Variants in COL4A5 observed in about 807,000 individuals in gnomAD.
COL4A5 encodes collagen alpha-5(IV) chain.
Under a neutral mutation model 130.2 loss-of-function variants are expected in COL4A5, and 26 were observed. The observed-to-expected ratio is 0.20, with a 90% CI of 0.15 to 0.28. The LOEUF (loss-of-function observed/expected upper bound fraction) is 0.28, where lower values mean the gene tolerates loss of function less well. Among genes scored for constraint, COL4A5 ranks in the 10% least tolerant of loss-of-function variants. COL4A5 has a pLI of 1.00. For synonymous variants in COL4A5, 496 were observed against 439.6 expected (o/e 1.13, Z -1.60); for missense variants, 1,131 against 1,344.3 (o/e 0.84, Z 2.48).
chrX:108,483,809 A>G (rs766213894), intron 1 of COL4A5, among the ~76,000 whole-genome samples: 9 of 112,389 alleles, frequency 8.0e-5, no homozygotes, highest in Admixed American at 3.8e-4. Context: ...GATAAAAGCC[A>G]TTAACTGGGG....
intron 1 of COL4A5, among the ~76,000 whole-genome samples, chrX:108,445,399 C>A (rs932436508): frequency 4.5e-5 from 5 of 111,931 alleles, no homozygotes; most frequent in African/African-American, 1.3e-4. Context: ...TCAGCAACTT[C>A]TAAGTACTCA....
At chrX:108,627,937 T>C (rs1221253139) in intron 36 of COL4A5, among the ~76,000 whole-genome samples, 2 of 111,011 alleles carry the variant, frequency 1.8e-5, no homozygotes, top group Admixed American at 9.6e-5. Context: ...AAATTGTAAA[T>C]ATTTTTCCCC....
At chrX:108,550,241 G>A (rs893673145) in intron 2 of COL4A5, among the ~76,000 whole-genome samples, 2 of 111,514 alleles carry the variant, frequency 1.8e-5, no homozygotes, top group Admixed American at 9.5e-5. Flanking sequence ...GAAAACGACA[G>A]ACTAGTATCC....
intron 1 of COL4A5, among the ~76,000 whole-genome samples, chrX:108,530,467 G>A (rs900702850): frequency 7.3e-4 from 79 of 107,549 alleles, no homozygotes; most frequent in Non-Finnish European, 1.1e-3. Context: ...CTGACAAAGG[G>A]CTAATATACA....
intron 19 of COL4A5, among the ~76,000 whole-genome samples, chrX:108,587,402 T>G (rs2147789633): frequency 9.0e-6 from 1 of 111,623 alleles, no homozygotes; most frequent in East Asian, 2.8e-4. Context: ...TTTATTTCAC[T>G]TAACGTAATG....
intron 27 of COL4A5, among the ~76,000 whole-genome samples, chrX:108,602,223 T>TA (rs1289523123): frequency 8.9e-6 from 1 of 112,427 alleles, no homozygotes; most frequent in Non-Finnish European, 1.9e-5. Flanking sequence ...TATATAAGCT[T>TA]AAAAATCACA....
intron 30 of COL4A5, among the ~76,000 whole-genome samples, chrX:108,619,068 TATC>T (rs1221016734): frequency 9.0e-6 from 1 of 111,527 alleles, no homozygotes; most frequent in African/African-American, 3.3e-5. Flanking sequence ...TTAGGCATCA[TATC>T]ATCTTTCACA....
At chrX:108,596,847 C>T (rs2066523960) in intron 22 of COL4A5, 151 bp from the exon 23 acceptor site, 1 of 534,366 alleles carries the variant, frequency 1.9e-6, no homozygotes, top group South Asian at 2.9e-5. Context: ...AAGGAAAATA[C>T]AAATGTGACT....
intron 1 of COL4A5, among the ~76,000 whole-genome samples, chrX:108,516,901 G>A (rs17326897): frequency 0.25 from 27,251 of 110,478 alleles, 2,795 homozygotes; most frequent in East Asian, 0.57. Context: ...GTTAGCCTAC[G>A]GTGCTATTCT....
At chrX:108,654,541 G>A (rs2067798915) in intron 36 of COL4A5, among the ~76,000 whole-genome samples, 2 of 112,613 alleles carry the variant, frequency 1.8e-5, no homozygotes, top group Non-Finnish European at 3.8e-5. Context: ...GACCTCATAG[G>A]CTGAAGCCAT....
rs145762883 is a variant in COL4A5 at position 108,521,891 on chromosome X, C to T, written c.82-17855C>T. On this transcript the variant is annotated intron_variant, in intron 1 of 52. Coordinates refer to ENST00000328300, the MANE Select transcript of COL4A5 (RefSeq NM_033380.3). ...TTTAGAATATTTACAGTAGGGCAAG[C>T]ATCACCAAAATCAATTTTAGATTTT... is the stretch of plus-strand genomic sequence containing the variant. Among the ~76,000 whole-genome samples, 954 of 111,254 alleles carry T rather than the reference C, an allele frequency of 8.6e-3. 9 individuals are homozygous for T. Among genetic ancestry groups the T allele is most frequent in the South Asian group, 0.013 (34 of 2,606 alleles).
At chrX:108,634,178 A>G (rs1396192713) in intron 36 of COL4A5, among the ~76,000 whole-genome samples, 1 of 107,928 alleles carries the variant, frequency 9.3e-6, no homozygotes, top group Non-Finnish European at 1.9e-5. Context: ...TGGATAATCA[A>G]AAGAGAAAAT....
At chrX:108,536,544 T>C (rs1333526258) in intron 1 of COL4A5, among the ~76,000 whole-genome samples, 2 of 111,423 alleles carry the variant, frequency 1.8e-5, no homozygotes, top group East Asian at 5.6e-4. Flanking sequence ...AGGTACTTAA[T>C]GTTCATTTTA....
At chrX:108,631,517 A>G (rs1297763245) in intron 36 of COL4A5, among the ~76,000 whole-genome samples, 2 of 111,316 alleles carry the variant, frequency 1.8e-5, no homozygotes, top group Non-Finnish European at 3.8e-5. Flanking sequence ...ACCCCAATCA[A>G]CAGAATATAC....
chrX:108,448,151 T>C (rs2064473571), intron 1 of COL4A5, among the ~76,000 whole-genome samples: 1 of 112,458 alleles, frequency 8.9e-6, no homozygotes, highest in Admixed American at 9.4e-5. Context: ...TCCCTTGCTT[T>C]TCATTAATTA....
chrX:108,695,673 A>G, intron 52 of COL4A5: 1 of 383,751 alleles, frequency 2.6e-6, no homozygotes, highest in Non-Finnish European at 4.6e-6. Context: ...TTCAATAATG[A>G]AACAGAGATA....
intron 1 of COL4A5, among the ~76,000 whole-genome samples, chrX:108,523,452 G>A (rs200228641): frequency 1.8e-5 from 2 of 112,020 alleles, no homozygotes; most frequent in African/African-American, 3.2e-5. Context: ...TGATCTACAC[G>A]TCTGTCCTTT....
rs148912598 is a variant in COL4A5, at chrX:108,664,916, A to T, written c.3374-591A>T. 2.1e-4 allele frequency among the ~76,000 whole-genome samples: 24 copies of T among 112,184 alleles called. No homozygotes were observed. In the East Asian group the frequency reaches 6.7e-3, roughly 32 times the overall value. On this transcript the variant is annotated intron_variant, in intron 37 of 52. Transcript: ENST00000328300. ...ATTACAGCAACTGATATCATCACAA[A>T]GGTTGTGCAAGGATCTGGAACAATT...
intron 1 of COL4A5, among the ~76,000 whole-genome samples, chrX:108,474,607 G>A (rs1376258496): frequency 8.9e-6 from 1 of 111,860 alleles, no homozygotes; most frequent in East Asian, 2.8e-4. Context: ...TTTTTAGTTT[G>A]ATGCAATACC....
Sources: allele counts gnomAD v4.1 joint callset (sites outside exome capture counted in the v4.1 genomes callset), GRCh38; gene constraint gnomAD v4.1.1; transcripts MANE v1.5; gene names NCBI Gene and HGNC (gene_info 2026-07-23, HGNC 2026-07-21).